SGCD: variants seen among roughly 807,000 people sequenced by gnomAD.
SGCD encodes sarcoglycan delta.
In SGCD, 18 loss-of-function variants were observed where a neutral mutation model predicts 36.6. That is an observed-to-expected ratio of 0.49 (90% confidence interval 0.34 to 0.73). The LOEUF (loss-of-function observed/expected upper bound fraction) is 0.73. Ranked by LOEUF, SGCD falls within the 30% of genes least tolerant of loss-of-function variation. The pLI, the probability that SGCD is intolerant of heterozygous loss-of-function variation, is 0.01. For synonymous variants in SGCD, 133 were observed against 130.6 expected (o/e 1.02, Z -0.12); for missense variants, 387 against 346.7 (o/e 1.12, Z -0.92).
intron 3 of SGCD, among the ~76,000 whole-genome samples, chr5:156,193,529 C>G (rs954950674): frequency 1.3e-5 from 2 of 152,170 alleles, no homozygotes; most frequent in African/African-American, 4.8e-5. Flanking sequence ...TATGTCCTAA[C>G]ATGTCTACCC....
intron 1 of SGCD, among the ~76,000 whole-genome samples, chr5:156,080,871 A>G (rs1451154710): frequency 6.6e-6 from 1 of 152,128 alleles, no homozygotes; most frequent in African/African-American, 2.4e-5. Flanking sequence ...GAGTCCCCCA[A>G]ACTCTTTCAA....
At chr5:155,891,074 CAT>C (rs1430103902) in intron 1 of SGCD, among the ~76,000 whole-genome samples, 1 of 152,168 alleles carries the variant, frequency 6.6e-6, no homozygotes, top group Non-Finnish European at 1.5e-5. Context: ...AGGAACATGA[CAT>C]GTGTTGGAAG....
the SGCD span, among the ~76,000 whole-genome samples, chr5:155,738,709 TGA>T: frequency 1.4e-5 from 2 of 146,706 alleles, no homozygotes; most frequent in African/African-American, 5.1e-5. Flanking sequence ...TGAGAGTGTG[TGA>T]GTGTGAGAGA....
At chr5:156,437,132 C>T (rs1753278668) in intron 3 of SGCD, among the ~76,000 whole-genome samples, 1 of 152,052 alleles carries the variant, frequency 6.6e-6, no homozygotes, top group South Asian at 2.1e-4. Context: ...TAGTAGTATT[C>T]ATGGAATCTT....
intron 3 of SGCD, among the ~76,000 whole-genome samples, chr5:156,450,168 C>T (rs1321111810): frequency 2.0e-5 from 3 of 152,056 alleles, no homozygotes; most frequent in South Asian, 2.1e-4. Context: ...CAGAAAGCTT[C>T]GGTAGGCTAC....
At chr5:156,688,333 T>C (rs956600773) in intron 7 of SGCD, among the ~76,000 whole-genome samples, 1 of 152,178 alleles carries the variant, frequency 6.6e-6, no homozygotes. Context: ...AATGCATTTA[T>C]CCACTAGGTT....
chr5:156,134,205 A>G (rs1259122270), intron 3 of SGCD, among the ~76,000 whole-genome samples: 1 of 152,114 alleles, frequency 6.6e-6, no homozygotes, highest in Non-Finnish European at 1.5e-5. Context: ...AAATGTTTAC[A>G]CCAGTACACC....
the SGCD span, among the ~76,000 whole-genome samples, chr5:155,758,498 T>A: frequency 2.0e-5 from 3 of 152,236 alleles, no homozygotes; most frequent in Non-Finnish European, 4.4e-5. Context: ...GGCCCAGGGT[T>A]ATGGACTGGT....
chr5:156,671,604 G>C (rs1005563154), intron 7 of SGCD, among the ~76,000 whole-genome samples: 5 of 152,180 alleles, frequency 3.3e-5, no homozygotes. Flanking sequence ...AGCAGTAAGA[G>C]TCTGCTGGAA....
chr5:156,241,910 G>C (rs1159532773), intron 3 of SGCD, among the ~76,000 whole-genome samples: 1 of 152,122 alleles, frequency 6.6e-6, no homozygotes, highest in Admixed American at 6.5e-5. Flanking sequence ...ATCCATGCTT[G>C]GGGTTGGGAG....
chr5:156,160,976 A>G (rs987617055), intron 3 of SGCD, among the ~76,000 whole-genome samples: 2 of 151,762 alleles, frequency 1.3e-5, no homozygotes, highest in African/African-American at 4.9e-5. Flanking sequence ...GCCATAGACT[A>G]TACGTAAATG....
At chr5:156,477,543 T>C (rs1163750719) in intron 3 of SGCD, among the ~76,000 whole-genome samples, 4 of 152,188 alleles carry the variant, frequency 2.6e-5, no homozygotes, top group Non-Finnish European at 5.9e-5. Context: ...CTGGTAGCAG[T>C]GTTCTCTGCA....
intron 2 of SGCD, among the ~76,000 whole-genome samples, chr5:156,340,976 T>C (rs1434994672): frequency 6.6e-6 from 1 of 152,228 alleles, no homozygotes; most frequent in Non-Finnish European, 1.5e-5. Flanking sequence ...TTATAATTAT[T>C]TGTCAAAAAG....
intron 3 of SGCD, among the ~76,000 whole-genome samples, chr5:156,253,811 T>C (rs1402664237): frequency 1.3e-5 from 2 of 152,154 alleles, no homozygotes; most frequent in African/African-American, 2.4e-5. Flanking sequence ...AACACAATTA[T>C]ATAATAATTA....
intron 3 of SGCD, among the ~76,000 whole-genome samples, chr5:156,392,894 C>G (rs949283110): frequency 2.6e-5 from 4 of 152,144 alleles, no homozygotes; most frequent in Non-Finnish European, 5.9e-5. Context: ...ATGTGCTCCT[C>G]CCAACATCCA....
chr5:156,365,175 T>A (rs983686523), intron 3 of SGCD, among the ~76,000 whole-genome samples: 18 of 152,202 alleles, frequency 1.2e-4, no homozygotes, highest in Admixed American at 1.1e-3. Flanking sequence ...GAAATCATAG[T>A]CATTAGAGAT....
chr5:156,019,535 C>A (rs1438166049), intron 1 of SGCD, among the ~76,000 whole-genome samples: 2 of 152,114 alleles, frequency 1.3e-5, no homozygotes, highest in Non-Finnish European at 2.9e-5. Flanking sequence ...GAATAAAGAT[C>A]AGTAATTTTG....
chr5:155,882,608 A>G (rs1226547657), intron 1 of SGCD, among the ~76,000 whole-genome samples: 1 of 152,194 alleles, frequency 6.6e-6, no homozygotes, highest in Non-Finnish European at 1.5e-5. Flanking sequence ...TCCCCATCAG[A>G]GTTCTGAGGT....
At chr5:155,975,581 T>G (rs1186944548) in intron 1 of SGCD, among the ~76,000 whole-genome samples, 1 of 147,540 alleles carries the variant, frequency 6.8e-6, no homozygotes, top group Non-Finnish European at 1.5e-5. Context: ...ATTCAGAGAA[T>G]CATGTGTTAT....
Sources: allele counts gnomAD v4.1 joint callset (sites outside exome capture counted in the v4.1 genomes callset), GRCh38; gene constraint gnomAD v4.1.1; transcripts MANE v1.5; gene names NCBI Gene and HGNC (gene_info 2026-07-23, HGNC 2026-07-21).